PLA2G4E: variants seen among roughly 807,000 people sequenced by gnomAD.
PLA2G4E encodes the protein cytosolic phospholipase A2 epsilon.
Under a neutral mutation model 109.1 loss-of-function variants are expected in PLA2G4E, and 84 were observed. The observed-to-expected ratio is 0.77, with a 90% confidence interval of 0.65 to 0.92. The LOEUF (loss-of-function observed/expected upper bound fraction) is 0.92. PLA2G4E is among the 40% of genes least tolerant of loss of function. The pLI is 0.00. For synonymous variants in PLA2G4E, 469 were observed against 436.1 expected, an observed-to-expected ratio of 1.08 and a Z score of -0.94; for missense variants, 1,057 against 1,076.6, an observed-to-expected ratio of 0.98 and a Z score of 0.25.
rs551671675 is a variant in PLA2G4E, at chr15:41,995,215, G to C, written c.1247+145C>G. The C allele has an allele frequency of 7.3e-6, 8 of 1,100,140 alleles. No homozygotes were observed. The East Asian group carries it at 2.1e-4, about 28-fold the overall frequency. 68.1% of individuals were successfully genotyped at this position (1,100,140 alleles called of 1,614,324 possible). A position where few individuals can be genotyped will look rare whatever the true frequency, so the allele number is the denominator to read the frequency against. On this transcript the variant is annotated intron_variant, in intron 12 of 19. Coordinates refer to ENST00000399518, the Ensembl canonical transcript of PLA2G4E. ...CAAGGAGTCAAGCTGCATGCCCAAG[G>C]CCACACCACTGCATGTGGGGCACTT...
chr15:42,042,556 A>G (rs996390933), intron 1 of PLA2G4E, among the ~76,000 whole-genome samples: 12 of 152,198 alleles, frequency 7.9e-5, no homozygotes, highest in African/African-American at 2.2e-4. Flanking sequence ...CATGCCTACC[A>G]TGTCCCAGGC....
In PLA2G4E at chr15:42,004,995, G is replaced by A. The variant is rs760166571; in HGVS notation, c.526-17C>T. ...TTCCATGCCCTGGTAGGGGAGGGAG[G>A]GAAGGCAGCTGTGAGTGGCGTCTGC... On this transcript the variant is annotated splice_polypyrimidine_tract_variant and intron_variant, in intron 4 of 19. Coordinates refer to ENST00000399518, the Ensembl canonical transcript of PLA2G4E. 3.7e-6 allele frequency: 6 copies of A among 1,612,054 alleles called. No homozygotes were observed. The highest frequency in any genetic ancestry group is 5.1e-6 in the Non-Finnish European group (6 of 1,179,430).
chr15:41,996,350 GAAAAAAAAAAAA>G (rs34559872), intron 11 of PLA2G4E, among the ~76,000 whole-genome samples: 1,503 of 75,136 alleles, frequency 0.02, 19 homozygotes, highest in Middle Eastern at 0.074. Context: ...CCTGTCTCAA[GAAAAAAAAAAAA>G]AAAAAAAAAA....
At chr15:42,044,172 C>T (rs1889368228) in intron 1 of PLA2G4E, among the ~76,000 whole-genome samples, 1 of 152,184 alleles carries the variant, frequency 6.6e-6, no homozygotes. Flanking sequence ...AAAATAATTT[C>T]TAACCATCAA....
intron 1 of PLA2G4E, among the ~76,000 whole-genome samples, chr15:42,040,259 G>C (rs1889293789): frequency 6.6e-6 from 1 of 152,012 alleles, no homozygotes; most frequent in Non-Finnish European, 1.5e-5. Context: ...AGCATCCAGA[G>C]ACAAATCCAA....
intron 1 of PLA2G4E, among the ~76,000 whole-genome samples, chr15:42,029,909 G>A (rs1395035764): frequency 6.6e-6 from 1 of 152,296 alleles, no homozygotes; most frequent in South Asian, 2.1e-4. Context: ...GTTGGATGAG[G>A]CAGGAAGGTT....
intron 2 of PLA2G4E, chr15:42,009,958 C>T (rs560269648): frequency 1.1e-5 from 3 of 262,088 alleles, no homozygotes; most frequent in Non-Finnish European, 2.3e-5. Context: ...TGCTCTGCAA[C>T]AACAGGTGGA....
At chr15:41,998,406 G>T (rs376806981) in intron 10 of PLA2G4E, 1 of 152,212 alleles carries the variant, frequency 6.6e-6, no homozygotes, top group Non-Finnish European at 1.5e-5. Flanking sequence ...TACTTCGCAC[G>T]TGCTGTCTAG....
At chr15:42,010,236 C>T (rs576966925) in intron 2 of PLA2G4E, 3 of 477,144 alleles carry the variant, frequency 6.3e-6, no homozygotes, top group South Asian at 5.1e-5. Flanking sequence ...CTGTAATGCA[C>T]TTGGCGCGCA....
chr15:41,988,141 A>C, exon 16 of PLA2G4E: 1 of 1,598,894 alleles, frequency 6.3e-7, no homozygotes, highest in South Asian at 1.1e-5. Flanking sequence ...CAGGGAGAAG[A>C]TGCTGCTCCA....
At chr15:41,998,877 A>T (rs1331025676) in intron 10 of PLA2G4E, 1 of 152,130 alleles carries the variant, frequency 6.6e-6, no homozygotes, top group African/African-American at 2.4e-5. Context: ...ATACGGTGAA[A>T]CCCCGTCTCT....
At chr15:41,986,951 A>C (rs538070446) in intron 17 of PLA2G4E, 2 of 588,014 alleles carry the variant, frequency 3.4e-6, no homozygotes, top group East Asian at 5.7e-5. Flanking sequence ...ATGACTGTAC[A>C]GATGCAGTGA....
chr15:42,000,082 C>A, intron 8 of PLA2G4E, 22 bp downstream of exon 8: 1 of 1,577,798 alleles, frequency 6.3e-7, no homozygotes, highest in East Asian at 2.3e-5. Flanking sequence ...CCACACCTCC[C>A]CCAGTGTCAG....
At chr15:42,032,940 A>G (rs954306731) in intron 1 of PLA2G4E, among the ~76,000 whole-genome samples, 3 of 151,972 alleles carry the variant, frequency 2.0e-5, no homozygotes, top group African/African-American at 7.2e-5. Context: ...GGACTCCCCC[A>G]CCCCTCCCCA....
chr15:41,997,222 A>G, exon 11 of PLA2G4E: 1 of 1,551,000 alleles, frequency 6.4e-7, no homozygotes, highest in Non-Finnish European at 8.7e-7. Context: ...TCTGCTGGGC[A>G]CAGGCTGAAG....
chr15:42,005,860 C>T, intron 4 of PLA2G4E, 130 bp downstream of exon 4: 1 of 1,154,692 alleles, frequency 8.7e-7, no homozygotes, highest in South Asian at 1.7e-5. Context: ...GGATTTAAAC[C>T]AGCAGCACCA....
chr15:41,999,860 A>G (rs2068395158), intron 9 of PLA2G4E, 57 bp downstream of exon 9: 2 of 1,502,586 alleles, frequency 1.3e-6, no homozygotes, highest in Non-Finnish European at 1.8e-6. Context: ...CCACCTCCCT[A>G]CCACAGGAGC....
intron 15 of PLA2G4E, 54 bp downstream of exon 15, chr15:41,989,361 G>C: frequency 3.1e-6 from 5 of 1,605,846 alleles, no homozygotes; most frequent in Non-Finnish European, 2.6e-6. Context: ...AACCCAGGGT[G>C]GCCCAGCACT....
At position 41,984,072 on chromosome 15, in the gene PLA2G4E, G is replaced by A. The variant is rs143887896; in HGVS notation, c.2387-98C>T. On this transcript the variant is annotated intron_variant, in intron 19 of 19. Coordinates refer to ENST00000399518, the Ensembl canonical transcript of PLA2G4E. ...CCAAGGCCCACCAACCTGCACTCAC[G>A]GACACACACACCTGCATGAAAACCT... is the stretch of plus-strand genomic sequence containing the variant. 207 of 1,053,726 alleles carry A rather than the reference G, an allele frequency of 2.0e-4. No homozygotes were observed. In the African/African-American group the frequency reaches 2.8e-3, roughly 14 times the overall value. The allele number at this position is 1,053,726 out of a possible 1,614,324, so 65.3% of individuals were successfully genotyped here. A position where few individuals can be genotyped will look rare whatever the true frequency, so the allele number is the denominator to read the frequency against.
Sources: allele counts gnomAD v4.1 joint callset (sites outside exome capture counted in the v4.1 genomes callset), GRCh38; gene constraint gnomAD v4.1.1; transcripts MANE v1.5; gene names NCBI Gene and HGNC (gene_info 2026-07-23, HGNC 2026-07-21).